Variants in MRC1 observed in about 807,000 individuals in gnomAD.
MRC1 encodes the protein mannose receptor C-type 1.
MRC1 carries 62 observed loss-of-function variants against 102.9 expected under a neutral mutation model. That is an observed-to-expected ratio of 0.60 (90% CI 0.49 to 0.74). The LOEUF (loss-of-function observed/expected upper bound fraction) is 0.74. Ranked by LOEUF, MRC1 falls within the 30% of genes least tolerant of loss-of-function variation. The pLI, the probability that MRC1 is intolerant of heterozygous loss-of-function variation, is 0.00. For missense variants in MRC1, 1,237 were observed against 862.8 expected (o/e 1.43, Z -5.43); for synonymous variants, 457 against 298.4 (o/e 1.53, Z -5.48).
At chr10:17,876,787 G>A (rs1387866754) in intron 17 of MRC1, among the ~76,000 whole-genome samples, 6 of 151,928 alleles carry the variant, frequency 3.9e-5, no homozygotes, top group Non-Finnish European at 5.9e-5. Context: ...ATCTTTCTTG[G>A]TTGTAACAAA....
intron 28 of MRC1, among the ~76,000 whole-genome samples, chr10:17,908,358 T>C (rs1833923950): frequency 1.4e-4 from 22 of 152,174 alleles, no homozygotes; most frequent in Non-Finnish European, 7.3e-5. Flanking sequence ...CACTGCAACC[T>C]CCACCTCCTG....
chr10:17,817,660 T>TA (rs1301557672), intron 1 of MRC1, among the ~76,000 whole-genome samples: 13 of 152,072 alleles, frequency 8.5e-5, no homozygotes, highest in African/African-American at 3.1e-4. Flanking sequence ...GTGTAAGTAT[T>TA]AAAAAAAGAA....
chr10:17,886,122 C>T (rs1833589590), intron 22 of MRC1, among the ~76,000 whole-genome samples: 3 of 152,112 alleles, frequency 2.0e-5, no homozygotes, highest in Admixed American at 6.5e-5. Context: ...CTAGTGACAG[C>T]ATCAGCTATA....
At chr10:17,816,360 G>T (rs892294070) in intron 1 of MRC1, among the ~76,000 whole-genome samples, 44 of 152,186 alleles carry the variant, frequency 2.9e-4, no homozygotes, top group Non-Finnish European at 4.6e-4. Context: ...CAGGGTAACG[G>T]GGAAGTGAGA....
At chr10:17,832,504 G>A (rs1838590482) in intron 3 of MRC1, among the ~76,000 whole-genome samples, 1 of 149,676 alleles carries the variant, frequency 6.7e-6, no homozygotes, top group Non-Finnish European at 1.5e-5. Context: ...GCAGTGAGCC[G>A]AGATTGCACC....
At chr10:17,856,786 A>C (rs1366804682) in intron 9 of MRC1, among the ~76,000 whole-genome samples, 6 of 152,126 alleles carry the variant, frequency 3.9e-5, no homozygotes, top group Admixed American at 3.9e-4. Context: ...AATGATCCTT[A>C]GTCATTTTTT....
chr10:17,883,178 A>G (rs1833542350), intron 21 of MRC1, among the ~76,000 whole-genome samples: 1 of 152,166 alleles, frequency 6.6e-6, no homozygotes, highest in Non-Finnish European at 1.5e-5. Context: ...CCCAGGCTGG[A>G]GAGCATTGAT....
At chr10:17,824,391 C>T (rs2130593704) in intron 2 of MRC1, among the ~76,000 whole-genome samples, 1 of 152,230 alleles carries the variant, frequency 6.6e-6, no homozygotes, top group East Asian at 1.9e-4. Context: ...TAACCTGTTT[C>T]CAAAATTGCT....
chr10:17,851,487 T>C (rs1589178011), intron 7 of MRC1, among the ~76,000 whole-genome samples: 2 of 152,306 alleles, frequency 1.3e-5, no homozygotes, highest in East Asian at 3.9e-4. Flanking sequence ...TACCAATGAA[T>C]ACAACTTCCC....
intron 9 of MRC1, among the ~76,000 whole-genome samples, chr10:17,859,000 C>T (rs1012572009): frequency 1.6e-4 from 24 of 152,208 alleles, no homozygotes; most frequent in African/African-American, 5.8e-4. Flanking sequence ...ATCTTCATCT[C>T]TTCCTATGCT....
At chr10:17,863,717 C>T (rs1833219633) in intron 11 of MRC1, 35 bp downstream of exon 11, 12 of 775,624 alleles carry the variant, frequency 1.5e-5, no homozygotes, top group African/African-American at 1.2e-4. Flanking sequence ...GTTGCTTTCA[C>T]CCTACGAATC....
rs782051611 is a variant in MRC1, at chr10:17,881,743, C to T, written c.2980+562C>T. Among the ~76,000 whole-genome samples, 702 of 143,964 alleles carry T rather than the reference C, an allele frequency of 4.9e-3. 3 individuals are homozygous for T. Among genetic ancestry groups the T allele is most frequent in the Middle Eastern group, 7.5e-3 (2 of 268 alleles). 94.4% of individuals were successfully genotyped at this position (143,964 alleles called of 152,430 possible). A position where few individuals can be genotyped will look rare whatever the true frequency, so the allele number is the denominator to read the frequency against. ...CCAGGATTATAACTCACTGCAGCCTCGAACTCCTAAGCTCAAGCAATCCTC... is the reference window on the plus strand; with the variant it reads ...CCAGGATTATAACTCACTGCAGCCTTGAACTCCTAAGCTCAAGCAATCCTC... On this transcript the variant is annotated intron_variant, in intron 21 of 29. Coordinates refer to ENST00000569591, the MANE Select transcript of MRC1 (RefSeq NM_002438.4).
intron 4 of MRC1, among the ~76,000 whole-genome samples, chr10:17,838,391 G>A (rs1415880646): frequency 4.6e-5 from 7 of 152,170 alleles, no homozygotes; most frequent in African/African-American, 1.4e-4. Context: ...ATGTTGGGAC[G>A]CTCTATGGAG....
intron 26 of MRC1, among the ~76,000 whole-genome samples, chr10:17,904,936 A>C (rs960952549): frequency 6.6e-6 from 1 of 152,188 alleles, no homozygotes. Context: ...GTTTGCCCCA[A>C]CTATTATCAC....
At chr10:17,868,098 A>G (rs907478558) in intron 12 of MRC1, among the ~76,000 whole-genome samples, 133 of 152,332 alleles carry the variant, frequency 8.7e-4, no homozygotes, top group Admixed American at 2.5e-3. Flanking sequence ...AAAAACCCCA[A>G]TGAATTAAGG....
At chr10:17,909,800 G>A (rs960168020) in intron 29 of MRC1, among the ~76,000 whole-genome samples, 3 of 150,536 alleles carry the variant, frequency 2.0e-5, no homozygotes, top group East Asian at 1.9e-4. Context: ...CATGAGTGCC[G>A]TTTGTTTACT....
At chr10:17,861,143 C>G (rs1385153891) in intron 9 of MRC1, among the ~76,000 whole-genome samples, 2 of 152,178 alleles carry the variant, frequency 1.3e-5, no homozygotes, top group Non-Finnish European at 2.9e-5. Flanking sequence ...AACCCCATCT[C>G]TACTAAAAAG....
chr10:17,873,936 A>T, intron 16 of MRC1, 111 bp downstream of exon 16: 1 of 772,634 alleles, frequency 1.3e-6, no homozygotes, highest in Non-Finnish European at 2.3e-6. Context: ...AGAAGTCCTT[A>T]ATAACCTTTG....
At chr10:17,855,690 AC>A (rs1421410294) in intron 8 of MRC1, among the ~76,000 whole-genome samples, 73 of 151,978 alleles carry the variant, frequency 4.8e-4, no homozygotes, top group African/African-American at 1.8e-3. Flanking sequence ...AATGGCTTGG[AC>A]ATCTCAGATA....
Sources: gnomAD v4.1 joint callset for allele counts (sites outside exome capture counted in the v4.1 genomes callset) on GRCh38, gnomAD v4.1.1 for gene constraint, MANE v1.5 for transcripts, NCBI Gene and HGNC (gene_info 2026-07-23, HGNC 2026-07-21) for gene names.